MGA: variants seen among roughly 807,000 people sequenced by gnomAD.
The protein encoded by MGA is MAX dimerization protein MGA.
A neutral mutation model predicts 261.1 loss-of-function variants in MGA; 40 were observed. The observed-to-expected ratio is 0.15, with a 90% confidence interval of 0.12 to 0.20. The LOEUF is 0.20. MGA is among the 10% of genes least tolerant of loss of function. MGA has a pLI of 1.00. For missense variants in MGA, 3,397 were observed against 3,630.5 expected, an observed-to-expected ratio of 0.94 and a Z score of 1.65; for synonymous variants, 1,302 against 1,290.6, an observed-to-expected ratio of 1.01 and a Z score of -0.19.
intron 1 of MGA, among the ~76,000 whole-genome samples, chr15:41,645,005 A>T (rs915262783): frequency 6.6e-6 from 1 of 152,262 alleles, no homozygotes; most frequent in Non-Finnish European, 1.5e-5. Context: ...AAAATAAAAA[A>T]TGTAATTGTT....
intron 1 of MGA, among the ~76,000 whole-genome samples, chr15:41,666,525 A>G (rs929232001): frequency 1.3e-5 from 2 of 152,186 alleles, no homozygotes; most frequent in African/African-American, 4.8e-5. Context: ...CCCAAACCTT[A>G]TATTATGCAG....
At chr15:41,623,866 A>G (rs1325131994) in intron 1 of MGA, among the ~76,000 whole-genome samples, 1 of 148,240 alleles carries the variant, frequency 6.7e-6, no homozygotes, top group African/African-American at 2.5e-5. Context: ...TCTGGGTTCA[A>G]GCAATTCTCC....
At chr15:41,667,108 T>C (rs1001791342) in intron 1 of MGA, among the ~76,000 whole-genome samples, 1 of 152,202 alleles carries the variant, frequency 6.6e-6, no homozygotes, top group African/African-American at 2.4e-5. Context: ...TATCTCAAGA[T>C]GACTTTAATT....
intron 1 of MGA, among the ~76,000 whole-genome samples, chr15:41,666,359 G>T (rs901864003): frequency 1.3e-5 from 2 of 152,124 alleles, no homozygotes; most frequent in Non-Finnish European, 2.9e-5. Flanking sequence ...AAGCAAATAT[G>T]TACATGTTCT....
At position 41,633,183 on chromosome 15, in the gene MGA, T is replaced by C. The variant is rs561313213; in HGVS notation, c.-68+11885T>C. On this transcript the variant is annotated intron_variant, in intron 1 of 8. Coordinates refer to the MGA transcript ENST00000566718. ...CCAGGATGGTCTTGATCTCCTGACCTTGTGATCCCCCCTGCCTTGGCCTCC... is the reference window on the plus strand; with the variant it reads ...CCAGGATGGTCTTGATCTCCTGACCCTGTGATCCCCCCTGCCTTGGCCTCC... 1.2e-4 allele frequency among the ~76,000 whole-genome samples: 19 copies of C among 152,144 alleles called. No homozygotes were observed. The East Asian group carries it at 2.9e-3, about 23-fold the overall frequency.
intron 1 of MGA, among the ~76,000 whole-genome samples, chr15:41,646,379 T>A (rs1391375301): frequency 6.6e-6 from 1 of 151,938 alleles, no homozygotes; most frequent in East Asian, 1.9e-4. Flanking sequence ...GGAGTCTTGC[T>A]CTGTTGCCCA....
Position 41,708,181 on chromosome 15 carries a change from C to A in MGA, c.2398C>A (p.His800Asn). 1 of 1,598,108 alleles carries A rather than the reference C, an allele frequency of 6.3e-7. No homozygotes were observed. Among genetic ancestry groups the A allele is most frequent in the Non-Finnish European group, 8.5e-7 (1 of 1,171,622 alleles). ...GATCAAGGGATGGAGGGGAAAATTT[C>A]ATAGTGCTTCTGCATCTAGGAATGA... Residue 800 changes from histidine (H) to asparagine (N), a missense_variant, in exon 7 of 24, where the codon CAT becomes AAT. Around this residue, in one of 9 missense-constraint regions of MGA, gnomAD observed 519 missense variants for 554.1 expected, o/e 0.94. Coordinates refer to ENST00000219905, the MANE Select transcript of MGA (RefSeq NM_001164273.2).
At chr15:41,700,024 A>G (rs961432197) in intron 5 of MGA, among the ~76,000 whole-genome samples, 2 of 144,346 alleles carry the variant, frequency 1.4e-5, no homozygotes, top group South Asian at 4.4e-4. Context: ...TCCTGTACCT[A>G]TCAACCTGTC....
In MGA at chr15:41,766,354, T is replaced by C. The variant is rs751965711; in HGVS notation, c.8272T>C (p.Trp2758Arg). The C allele has an allele frequency of 6.2e-7, 1 of 1,613,848 alleles. No individual in the cohort carries two copies. Among genetic ancestry groups the C allele is most frequent in the African/African-American group, 1.3e-5 (1 of 75,014 alleles). ...TGATATGAGAGGGATTCAGTATAAATGGAAAGAGAGTGAATCAAGAGGGGA... is the reference window on the plus strand; with the variant it reads ...TGATATGAGAGGGATTCAGTATAAACGGAAAGAGAGTGAATCAAGAGGGGA... Residue 2758 changes from tryptophan (W) to arginine (R), a missense_variant, in exon 24 of 24, where the codon TGG (tryptophan) becomes CGG (arginine). Around this residue, in one of 9 missense-constraint regions of MGA, gnomAD observed 647 missense variants for 642.4 expected, o/e 1.01. Transcript: ENST00000219905.
intron 18 of MGA, among the ~76,000 whole-genome samples, chr15:41,755,234 C>T (rs536571681): frequency 2.0e-5 from 3 of 152,266 alleles, no homozygotes; most frequent in South Asian, 4.1e-4. Flanking sequence ...TGTACTTTTC[C>T]TGTCATCTCA....
At chr15:41,761,648 GT>G (rs1473135295) in intron 20 of MGA, 90 bp from the exon 21 acceptor site, 4 of 659,408 alleles carry the variant, frequency 6.1e-6, no homozygotes, top group South Asian at 6.3e-5. Flanking sequence ...GTCAGATTAA[GT>G]TTTTTTTCAT....
intron 3 of MGA, among the ~76,000 whole-genome samples, chr15:41,698,081 A>G (rs1184531088): frequency 6.7e-6 from 1 of 148,822 alleles, no homozygotes; most frequent in African/African-American, 2.5e-5. Flanking sequence ...CATATTAGCC[A>G]GGATGGTCTC....
intron 9 of MGA, among the ~76,000 whole-genome samples, chr15:41,717,271 GCCTAGCTGTTGTGGGTAGTA>G (rs2060692380): frequency 1.3e-5 from 2 of 152,104 alleles, no homozygotes; most frequent in Admixed American, 1.3e-4. Flanking sequence ...GAGGTACTGT[GCCTAGCTGTTGTGGGTAGTA>G]CCAAGGGAAA....
rs893021676 is a variant in MGA, at chr15:41,767,491, G to C, written c.*211G>C. ...CATGTTAAAATGTGTTACCTCACTT[G>C]TGGTGCTGGGTCCCCTCATCCTCTC... On this transcript the variant is annotated 3_prime_UTR_variant, in exon 24 of 24. Transcript: ENST00000219905. 10 of 585,238 alleles carry C rather than the reference G, an allele frequency of 1.7e-5. No individual in the cohort carries two copies. The highest frequency in any genetic ancestry group is 3.0e-5 in the Non-Finnish European group (10 of 333,728). The allele number at this position is 585,238 out of a possible 1,614,324, so 36.3% of individuals were successfully genotyped here.
chr15:41,688,239 C>A (rs1285909752), intron 2 of MGA, among the ~76,000 whole-genome samples: 1 of 152,070 alleles, frequency 6.6e-6, no homozygotes, highest in Non-Finnish European at 1.5e-5. Flanking sequence ...CCATGCCAAC[C>A]TAATTTTTTG....
chr15:41,703,429 A>G (rs2059958058), intron 5 of MGA, among the ~76,000 whole-genome samples: 1 of 122,068 alleles, frequency 8.2e-6, no homozygotes, highest in Non-Finnish European at 1.6e-5. Context: ...GAAGGAAGTC[A>G]TTATGCTTAG....
At chr15:41,718,656 A>G in intron 9 of MGA, 1 of 278,222 alleles carries the variant, frequency 3.6e-6, no homozygotes, top group Non-Finnish European at 6.9e-6. Flanking sequence ...GGCAATGACA[A>G]ATTTCTGGTG....
Position 41,668,997 on chromosome 15 carries a change from A to C in MGA, c.103A>C (p.Lys35Gln). Residue 35 changes from lysine to glutamine, a missense_variant, in exon 2 of 24, where the codon AAA becomes CAA. This residue lies in a region of MGA where 81 missense variants were observed against 84.3 expected (regional missense o/e 0.96). Transcript: ENST00000219905. Reference sequence around the variant, plus strand: ...CATCTTAAAGCAGCCAGGAAATGGCAAAACTGATCAAGGAATTTTGGTTAC... The same window carrying C: ...CATCTTAAAGCAGCCAGGAAATGGCCAAACTGATCAAGGAATTTTGGTTAC... 1 of 1,613,694 alleles carries C rather than the reference A, an allele frequency of 6.2e-7. No individual in the cohort carries two copies. Among genetic ancestry groups the C allele is most frequent in the East Asian group, 2.2e-5 (1 of 44,872 alleles).
At position 41,762,114 on chromosome 15, in the gene MGA, T is replaced by C. The variant is rs905380472; in HGVS notation, c.7511-15T>C. On this transcript the variant is annotated splice_polypyrimidine_tract_variant and intron_variant, in intron 21 of 23. Transcript: ENST00000219905. ...CGTAATGCTGAAAGTGCTAATGTAT[T>C]CTGTTAACTTACAGGTAAGACAGAA... is the stretch of plus-strand genomic sequence containing the variant. The C allele has an allele frequency of 3.1e-6, 5 of 1,587,846 alleles. No individual in the cohort carries two copies. The African/African-American group carries it at 6.7e-5, about 21-fold the overall frequency.
Sources: gnomAD v4.1 joint callset for allele counts (sites outside exome capture counted in the v4.1 genomes callset) on GRCh38, gnomAD v4.1.1 for gene constraint, gnomAD v4.1.1 regional missense constraint, MANE v1.5 for transcripts, NCBI Gene and HGNC (gene_info 2026-07-23, HGNC 2026-07-21) for gene names.